Variants in TYW1 observed in about 807,000 individuals in gnomAD.
TYW1 encodes the protein tRNA-yW synthesizing protein 1 homolog.
Under a neutral mutation model 96.2 loss-of-function variants are expected in TYW1, and 46 were observed. That is an observed-to-expected ratio of 0.48 (90% CI 0.38 to 0.61). The LOEUF (loss-of-function observed/expected upper bound fraction) is 0.61, where lower values mean the gene tolerates loss of function less well. TYW1 is among the 20% of genes least tolerant of loss of function. The pLI is 0.00. For missense variants in TYW1, 684 were observed against 909.6 expected (o/e 0.75, Z 3.19); for synonymous variants, 274 against 323.0 (o/e 0.85, Z 1.63).
intron 15 of TYW1, among the ~76,000 whole-genome samples, chr7:67,202,200 G>C (rs140550968): frequency 0.032 from 4,850 of 152,112 alleles, 228 homozygotes; most frequent in African/African-American, 0.11. Context: ...CATGGCCTCT[G>C]TATTCTTATA....
In TYW1 at chr7:67,133,464, C is replaced by T. The variant is rs528816239; in HGVS notation, c.1698+15846C>T. Among the ~76,000 whole-genome samples the T allele has an allele frequency of 3.4e-3, 515 of 152,054 alleles. 1 individual carries two copies. Among genetic ancestry groups the T allele is most frequent in the Non-Finnish European group, 4.9e-3 (334 of 67,996 alleles). On this transcript the variant is annotated intron_variant, in intron 13 of 15. Coordinates refer to ENST00000359626, the MANE Select transcript of TYW1 (RefSeq NM_018264.4). Reference sequence around the variant, plus strand: ...CTGTAATCCCCAGCACTTTGGGAGGCCAAGGCAGGCGGATCATGAAATCAA... The same window carrying T: ...CTGTAATCCCCAGCACTTTGGGAGGTCAAGGCAGGCGGATCATGAAATCAA...
intron 11 of TYW1, among the ~76,000 whole-genome samples, chr7:67,096,829 C>T (rs537294057): frequency 2.0e-5 from 3 of 152,166 alleles, no homozygotes; most frequent in African/African-American, 7.2e-5. Flanking sequence ...ACACTCTTTC[C>T]GAGTCTTTCG....
At chr7:67,204,457 C>CTCCTTCCTCCCTCCCTTCCT (rs576559218) in intron 15 of TYW1, among the ~76,000 whole-genome samples, 3,890 of 150,506 alleles carry the variant, frequency 0.026, 171 homozygotes, top group African/African-American at 0.091. Flanking sequence ...TTAACTATTT[C>CTCCTTCCTCCCTCCCTTCCT]TCCTTCCTCC....
intron 15 of TYW1, among the ~76,000 whole-genome samples, chr7:67,197,993 C>T (rs1177555538): frequency 2.2e-5 from 3 of 137,500 alleles, no homozygotes; most frequent in Non-Finnish European, 3.1e-5. Context: ...GTGCACGCAT[C>T]GTCTTTTCTG....
intron 13 of TYW1, among the ~76,000 whole-genome samples, chr7:67,181,518 C>T (rs17139656): frequency 0.28 from 42,782 of 151,996 alleles, 6,535 homozygotes; most frequent in African/African-American, 0.4. Context: ...CAATGAAGGT[C>T]TCAAGTGTTT....
At chr7:67,100,734 G>A (rs1402211722) in intron 12 of TYW1, among the ~76,000 whole-genome samples, 5 of 150,946 alleles carry the variant, frequency 3.3e-5, no homozygotes, top group Non-Finnish European at 7.4e-5. Flanking sequence ...CATGGTGGCA[G>A]TTGTCTGTAG....
At chr7:67,106,567 C>T (rs531844919) in intron 12 of TYW1, among the ~76,000 whole-genome samples, 1 of 152,196 alleles carries the variant, frequency 6.6e-6, no homozygotes, top group Non-Finnish European at 1.5e-5. Context: ...CTCTGAGGAA[C>T]CTCAGAGAAC....
chr7:67,132,385 C>T (rs1219545431), intron 13 of TYW1, among the ~76,000 whole-genome samples: 17 of 152,076 alleles, frequency 1.1e-4, no homozygotes, highest in Admixed American at 9.8e-4. Flanking sequence ...GCTGGGATTA[C>T]AGACGTGATC....
rs147727605 is a variant in TYW1, at chr7:67,027,747, G to A, written c.984+2725G>A. ...TGATCGAGACCATCCTGGCTAACAC[G>A]GTGAAACCCCGTCTCTACTAAAAAT... On this transcript the variant is annotated intron_variant, in intron 7 of 15. Coordinates refer to ENST00000359626, the MANE Select transcript of TYW1 (RefSeq NM_018264.4). 8.1e-3 allele frequency among the ~76,000 whole-genome samples: 1,229 copies of A among 152,100 alleles called. 16 individuals are homozygous for A. The highest frequency in any genetic ancestry group is 0.028 in the African/African-American group (1,151 of 41,474).
intron 11 of TYW1, among the ~76,000 whole-genome samples, chr7:67,088,512 T>C (rs1207166047): frequency 2.0e-5 from 3 of 152,230 alleles, no homozygotes; most frequent in Non-Finnish European, 2.9e-5. Flanking sequence ...AGAATTTTAG[T>C]ACTTCAGAAT....
chr7:67,228,779 C>A (rs1801646901), intron 15 of TYW1, among the ~76,000 whole-genome samples: 1 of 152,190 alleles, frequency 6.6e-6, no homozygotes, highest in East Asian at 1.9e-4. Flanking sequence ...GCTGGAACAA[C>A]TTTCAGCAGA....
intron 3 of TYW1, among the ~76,000 whole-genome samples, chr7:67,007,942 C>A (rs1584455918): frequency 1.3e-5 from 2 of 152,016 alleles, no homozygotes; most frequent in African/African-American, 2.4e-5. Flanking sequence ...GCCAACCTGT[C>A]CTTTTTCTAT....
intron 7 of TYW1, among the ~76,000 whole-genome samples, chr7:67,029,027 C>A (rs1405540486): frequency 2.0e-5 from 3 of 148,806 alleles, no homozygotes; most frequent in Non-Finnish European, 4.4e-5. Context: ...GAGACGGAGT[C>A]TCGCTCTGTT....
rs1282152110 is a variant in TYW1, at chr7:67,189,422, ATG to A, written c.1810-5739_1810-5738del. On this transcript the variant is annotated intron_variant, in intron 14 of 15. Transcript: ENST00000359626. ...GTGTGCGTGTGTTGTGTGTATGTGC[ATG>A]TGTGTGTGGTATGTGTATGTATGTG... is the stretch of plus-strand genomic sequence containing the variant. 2.7e-5 allele frequency among the ~76,000 whole-genome samples: 4 copies of A among 150,916 alleles called. No homozygotes were observed. In the South Asian group the frequency reaches 6.3e-4, roughly 24 times the overall value.
chr7:67,010,840 A>G (rs1793772906), intron 4 of TYW1, among the ~76,000 whole-genome samples: 1 of 152,040 alleles, frequency 6.6e-6, no homozygotes, highest in Non-Finnish European at 1.5e-5. Flanking sequence ...TCCTGGCCTC[A>G]GTCTCCCAAA....
chr7:67,134,945 CAAAAAAAA>C (rs55746054), intron 13 of TYW1, among the ~76,000 whole-genome samples: 1,804 of 66,350 alleles, frequency 0.027, 23 homozygotes, highest in Non-Finnish European at 0.04. Context: ...CTTTCTCTAC[CAAAAAAAA>C]AAAAAAAAAA....
At chr7:67,179,705 G>T (rs1355597175) in intron 13 of TYW1, among the ~76,000 whole-genome samples, 14 of 138,682 alleles carry the variant, frequency 1.0e-4, no homozygotes, top group African/African-American at 4.0e-4. Flanking sequence ...TTGTTCAGAT[G>T]AATTGTAAAC....
intron 15 of TYW1, among the ~76,000 whole-genome samples, chr7:67,198,018 A>C (rs1489828240): frequency 6.7e-6 from 1 of 149,608 alleles, no homozygotes; most frequent in Non-Finnish European, 1.5e-5. Context: ...CTTTGAGGAA[A>C]TGTTGCATTG....
At chr7:67,030,946 A>G (rs1004071831) in intron 7 of TYW1, among the ~76,000 whole-genome samples, 4 of 152,170 alleles carry the variant, frequency 2.6e-5, no homozygotes, top group Non-Finnish European at 5.9e-5. Flanking sequence ...CATGCCTGTA[A>G]TCCCAGCACT....
Sources: gnomAD v4.1 joint callset for allele counts (sites outside exome capture counted in the v4.1 genomes callset) on GRCh38, gnomAD v4.1.1 for gene constraint, MANE v1.5 for transcripts, NCBI Gene and HGNC (gene_info 2026-07-23, HGNC 2026-07-21) for gene names.